The following SYP variants were observed in gnomAD, a reference collection of about 807,000 sequenced individuals.
The protein encoded by SYP is major synaptic vesicle protein P38.
In SYP, 2 loss-of-function variants were observed where a neutral mutation model predicts 24.3. The ratio of observed to expected loss-of-function variants is 0.08; its 90% CI spans 0.03 to 0.26. The LOEUF (loss-of-function observed/expected upper bound fraction) is 0.26, where lower values mean the gene tolerates loss of function less well. Ranked by LOEUF, SYP falls within the 10% of genes least tolerant of loss-of-function variation. SYP has a pLI of 1.00. For synonymous variants in SYP, 143 were observed against 123.2 expected, an observed-to-expected ratio of 1.16 and a Z score of -1.07; for missense variants, 216 against 266.3, an observed-to-expected ratio of 0.81 and a Z score of 1.32.
At chrX:49,189,342 A>AG (rs1557102379) in intron 6 of SYP, 60 bp from the exon 7 acceptor site, 1 of 109,239 alleles carries the variant, frequency 9.2e-6, no homozygotes, top group East Asian at 2.9e-4. Flanking sequence ...GCCCTCAGAT[A>AG]GGGGTTGGGC....
At chrX:49,195,569 G>A (rs782735304) in intron 3 of SYP, among the ~76,000 whole-genome samples, 3 of 111,182 alleles carry the variant, frequency 2.7e-5, no homozygotes, top group Non-Finnish European at 5.7e-5. Context: ...CAGGGTGTGT[G>A]TATGTGAGGG....
chrX:49,194,068 G>T (rs1329983118), intron 4 of SYP, 98 bp downstream of exon 4: 2 of 994,113 alleles, frequency 2.0e-6, no homozygotes, highest in African/African-American at 1.9e-5. Flanking sequence ...GTTTGCATGT[G>T]GGCCTGTCTG....
At chrX:49,192,601 G>T (rs1218499753) in intron 5 of SYP, among the ~76,000 whole-genome samples, 2 of 112,255 alleles carry the variant, frequency 1.8e-5, no homozygotes, top group Non-Finnish European at 3.8e-5. Context: ...TCAGTTTTGG[G>T]CAGGAAATAC....
chrX:49,189,011 G>A lies in SYP; in HGVS notation c.*276C>T, dbSNP rs1381755581. 9.1e-6 allele frequency: 1 copy of A among 110,323 alleles called. No individual in the cohort carries two copies. The highest frequency in any genetic ancestry group is 1.9e-5 in the Non-Finnish European group (1 of 52,715). 9.1% of individuals were successfully genotyped at this position (110,323 alleles called of 1,213,427 possible). ...TCCCCTTAACCTCAGGGGACAGGGAGGGTAAACAGAGAGGGGCCAAGGGAT... is the reference window on the plus strand; with the variant it reads ...TCCCCTTAACCTCAGGGGACAGGGAAGGTAAACAGAGAGGGGCCAAGGGAT... On this transcript the variant is annotated 3_prime_UTR_variant, in exon 7 of 7. Coordinates refer to ENST00000263233, the MANE Select transcript of SYP (RefSeq NM_003179.3).
At chrX:49,195,484 T>C (rs1330079072) in intron 3 of SYP, among the ~76,000 whole-genome samples, 1 of 110,249 alleles carries the variant, frequency 9.1e-6, no homozygotes, top group Non-Finnish European at 1.9e-5. Flanking sequence ...AATGTATGCA[T>C]AGCAGAGGAG....
chrX:49,191,349 C>G (rs1358877353), intron 6 of SYP, 84 bp downstream of exon 6: 103 of 1,081,237 alleles, frequency 9.5e-5, no homozygotes, highest in Non-Finnish European at 8.0e-5. Flanking sequence ...TACGTACTCT[C>G]TACCCCTGAC....
Position 49,191,547 on chromosome X carries a change from A to G in SYP, c.832T>C (p.Tyr278His). Residue 278 changes from tyrosine to histidine, a missense_variant, in exon 6 of 7, where the codon TAT becomes CAT. This residue lies in a region of SYP where 114 missense variants were observed against 107.9 expected (regional missense o/e 1.06). Coordinates refer to ENST00000263233, the MANE Select transcript of SYP (RefSeq NM_003179.3). ...CCACCGCTGCCGGCTGGTTGACCAT[A>G]GTCAGGCTGGTAGCCGCCCTGAGGC... ...YGPQGGYQPD[Y>H]GQPAGSGGSG... 1 of 1,210,451 alleles carries G rather than the reference A, an allele frequency of 8.3e-7. No homozygotes were observed. The highest frequency in any genetic ancestry group is 1.7e-5 in the African/African-American group (1 of 57,795).
chrX:49,191,826 G>C (rs888465181), intron 5 of SYP, 63 bp from the exon 6 acceptor site: 2 of 1,100,199 alleles, frequency 1.8e-6, no homozygotes, highest in Non-Finnish European at 1.2e-6. Context: ...CTGCGTGCAG[G>C]AATGAGCATG....
intron 1 of SYP, among the ~76,000 whole-genome samples, chrX:49,199,628 T>C (rs2065542949): frequency 1.0e-5 from 1 of 95,787 alleles, no homozygotes; most frequent in African/African-American, 4.0e-5. Context: ...TCGCTATGTG[T>C]TGGGGGTGAG....
intron 4 of SYP, among the ~76,000 whole-genome samples, chrX:49,193,734 A>G (rs1231846769): frequency 8.9e-6 from 1 of 112,340 alleles, no homozygotes; most frequent in Non-Finnish European, 1.9e-5. Flanking sequence ...GAATCTGTGG[A>G]AAGTAATGTG....
Position 49,197,921 on chromosome X carries a change from G to A in SYP, c.103-82C>T, listed in dbSNP as rs149441734. ...GTGCCCTCCTCTGGACAGATCGGGG[G>A]CCCAGCACAGGCAGCAGCAGATGGA... On this transcript the variant is annotated intron_variant, in intron 2 of 6. Coordinates refer to ENST00000263233, the MANE Select transcript of SYP (RefSeq NM_003179.3). 1.3e-3 allele frequency: 1,487 copies of A among 1,164,105 alleles called. 10 individuals carry two copies. In the African/African-American group the frequency reaches 0.024, roughly 19 times the overall value.
chrX:49,199,147 G>T (rs2065540405), intron 1 of SYP, 114 bp from the exon 2 acceptor site: 2 of 733,405 alleles, frequency 2.7e-6, no homozygotes, highest in Non-Finnish European at 4.2e-6. Context: ...CGGGGAGAGG[G>T]TGAGAAGGAG....
chrX:49,192,525 C>T (rs1411989790), intron 5 of SYP, among the ~76,000 whole-genome samples: 3 of 112,620 alleles, frequency 2.7e-5, no homozygotes, highest in Non-Finnish European at 5.6e-5. Context: ...AAAACACTTT[C>T]TGTACCTTTC....
At position 49,193,475 on chromosome X, in the gene SYP, A is replaced by C; in HGVS notation, c.424-12T>G. 1.7e-6 allele frequency: 2 copies of C among 1,210,170 alleles called. No homozygotes were observed. Reference sequence around the variant, plus strand: ...GTGGCCAGAAAGTCCTAAGGCAGGCAGGGGTGAGGAAGACAGCACTGTGAG... The same window carrying C: ...GTGGCCAGAAAGTCCTAAGGCAGGCCGGGGTGAGGAAGACAGCACTGTGAG... On this transcript the variant is annotated splice_polypyrimidine_tract_variant and intron_variant, in intron 4 of 6. Coordinates refer to ENST00000263233, the MANE Select transcript of SYP (RefSeq NM_003179.3).
chrX:49,199,187 C>T (rs1557103673), intron 1 of SYP, 154 bp from the exon 2 acceptor site: 2 of 544,884 alleles, frequency 3.7e-6, no homozygotes, highest in Non-Finnish European at 6.3e-6. Flanking sequence ...GGTGTGAGCC[C>T]CAGGGTCCAA....
At position 49,193,396 on chromosome X, in the gene SYP, A is replaced by G; in HGVS notation, c.491T>C (p.Leu164Pro). Residue 164 changes from leucine to proline, a missense_variant, in exon 5 of 7, where the codon CTG (leucine) becomes CCG (proline). Physicochemically the swap from Leu to Pro is moderately conservative, Grantham distance 98. Transcript: ENST00000263233. ...GTCTGTGGCCATCTTCACATCTGAC[A>G]GCCCCTTGGCCCATGCCGATGAGCT... is the stretch of plus-strand genomic sequence containing the variant. ...LVSSSAWAKG[L>P]SDVKMATDPE... The G allele has an allele frequency of 8.2e-7, 1 of 1,212,386 alleles. No individual in the cohort carries two copies. Among genetic ancestry groups the G allele is most frequent in the Non-Finnish European group, 1.1e-6 (1 of 895,597 alleles).
intron 6 of SYP, among the ~76,000 whole-genome samples, chrX:49,189,602 C>T (rs1557102412): frequency 1.8e-5 from 2 of 110,595 alleles, no homozygotes; most frequent in Non-Finnish European, 3.8e-5. Flanking sequence ...CAGAGATAGA[C>T]TTCACACAGC....
chrX:49,190,258 G>A (rs2065501513), intron 6 of SYP, among the ~76,000 whole-genome samples: 1 of 106,212 alleles, frequency 9.4e-6, no homozygotes, highest in Non-Finnish European at 1.9e-5. Context: ...CGACTCACTG[G>A]AACCTCCGCC....
chrX:49,198,201 A>C, intron 2 of SYP: 1 of 237,317 alleles, frequency 4.2e-6, no homozygotes, highest in African/African-American at 3.0e-5. Flanking sequence ...TGTGTCTCTG[A>C]TCCTCTCTGC....
Sources: gnomAD v4.1 joint callset for allele counts (sites outside exome capture counted in the v4.1 genomes callset) on GRCh38, gnomAD v4.1.1 for gene constraint, gnomAD v4.1.1 regional missense constraint, MANE v1.5 for transcripts, NCBI Gene and HGNC (gene_info 2026-07-23, HGNC 2026-07-21) for gene names.